SCN1A: variants seen among roughly 807,000 people sequenced by gnomAD.
SCN1A encodes the protein sodium voltage-gated channel alpha subunit 1, also known as sodium channel protein type 1 subunit alpha.
In SCN1A, 13 loss-of-function variants were observed where a neutral mutation model predicts 193.7. The ratio of observed to expected loss-of-function variants is 0.07; its 90% CI spans 0.04 to 0.11. SCN1A has a LOEUF of 0.11. SCN1A is among the 10% of genes least tolerant of loss of function. The probability of loss-of-function intolerance (pLI) is 1.00; values close to 1 mark genes in which losing one functional copy is unlikely to be tolerated. For synonymous variants in SCN1A, 781 were observed against 843.6 expected, an observed-to-expected ratio of 0.93 and a Z score of 1.29; for missense variants, 1,432 against 2,451.1, an observed-to-expected ratio of 0.58 and a Z score of 8.78.
intron 2 of SCN1A, among the ~76,000 whole-genome samples, chr2:166,100,573 G>A (rs1424937962): frequency 6.0e-5 from 9 of 150,696 alleles, no homozygotes; most frequent in Non-Finnish European, 1.3e-4. Flanking sequence ...GAGTGAACAG[G>A]CAACCTACAA....
intron 1 of SCN1A, among the ~76,000 whole-genome samples, chr2:166,138,646 G>A (rs1454336456): frequency 6.6e-6 from 1 of 152,174 alleles, no homozygotes; most frequent in Non-Finnish European, 1.5e-5. Context: ...CTGCAGGGGT[G>A]GGGCCCTCAT....
intron 19 of SCN1A, among the ~76,000 whole-genome samples, chr2:166,030,159 G>A (rs1021177369): frequency 6.6e-6 from 1 of 152,170 alleles, no homozygotes; most frequent in Non-Finnish European, 1.5e-5. Context: ...TTAAGATTTA[G>A]TGTAGCGGTT....
At chr2:166,123,767 A>G (rs557835874) in intron 2 of SCN1A, among the ~76,000 whole-genome samples, 1 of 152,066 alleles carries the variant, frequency 6.6e-6, no homozygotes, top group East Asian at 1.9e-4. Context: ...ATTTGACATA[A>G]CTCTTTGATT....
intron 3 of SCN1A, chr2:166,075,167 TG>T (rs1296384638): frequency 1.3e-5 from 2 of 152,256 alleles, no homozygotes; most frequent in South Asian, 4.1e-4. Flanking sequence ...AATATTCTGA[TG>T]TATATATATA....
chr2:166,021,559 A>C (rs1008191125), intron 19 of SCN1A, among the ~76,000 whole-genome samples: 1 of 152,178 alleles, frequency 6.6e-6, no homozygotes, highest in Non-Finnish European at 1.5e-5. Context: ...AAACATTAAT[A>C]TAAAAGTCAC....
Position 166,015,741 on chromosome 2 carries a change from G to A in SCN1A, c.3430-14C>T. ...TTCATTCAGTTTCTGTAAGTGAGATGGACATAGAAAGTAAAGTCCTTTAAT... is the reference window on the plus strand; with the variant it reads ...TTCATTCAGTTTCTGTAAGTGAGATAGACATAGAAAGTAAAGTCCTTTAAT... On this transcript the variant is annotated splice_polypyrimidine_tract_variant and intron_variant, in intron 19 of 28. Transcript: ENST00000674923. 2 of 1,612,158 alleles carry A rather than the reference G, an allele frequency of 1.2e-6. No individual in the cohort carries two copies. Among genetic ancestry groups the A allele is most frequent in the Non-Finnish European group, 1.7e-6 (2 of 1,178,540 alleles).
chr2:165,994,502 C>G (rs1249752216), intron 27 of SCN1A, 86 bp from the exon 28 acceptor site: 3 of 1,322,486 alleles, frequency 2.3e-6, no homozygotes, highest in Admixed American at 3.7e-5. Context: ...AATTGACTTT[C>G]TAGTTTCTTG....
chr2:166,049,465 T>C (rs146063217), intron 9 of SCN1A, among the ~76,000 whole-genome samples: 4,047 of 152,116 alleles, frequency 0.027, 284 homozygotes, highest in Admixed American at 0.16. Flanking sequence ...TAACATATTC[T>C]CACATTTTGC....
intron 19 of SCN1A, among the ~76,000 whole-genome samples, chr2:166,032,239 A>ATG (rs1559183888): frequency 9.2e-6 from 1 of 108,862 alleles, no homozygotes; most frequent in African/African-American, 3.0e-5. Context: ...ACACACAGAG[A>ATG]CAGAGAGAGA....
intron 2 of SCN1A, among the ~76,000 whole-genome samples, chr2:166,083,477 T>G (rs1161753851): frequency 6.6e-6 from 1 of 151,844 alleles, no homozygotes; most frequent in African/African-American, 2.4e-5. Flanking sequence ...CTACATACAA[T>G]ACATAGAAAT....
At chr2:165,996,436 T>A (rs951539502) in intron 26 of SCN1A, 1 of 265,026 alleles carries the variant, frequency 3.8e-6, no homozygotes, top group Non-Finnish European at 7.3e-6. Flanking sequence ...TAATAAATAC[T>A]TGGTACCTTA....
At chr2:166,112,653 G>A (rs1689421060) in intron 2 of SCN1A, among the ~76,000 whole-genome samples, 1 of 151,870 alleles carries the variant, frequency 6.6e-6, no homozygotes. Flanking sequence ...TCTTATATTT[G>A]GCCTTAGTTC....
intron 2 of SCN1A, among the ~76,000 whole-genome samples, chr2:166,103,056 T>A (rs1688283574): frequency 6.8e-6 from 1 of 146,478 alleles, no homozygotes; most frequent in Non-Finnish European, 1.5e-5. Flanking sequence ...AAGCCTGACT[T>A]TAGATTTGGG....
At chr2:166,083,828 T>C in intron 2 of SCN1A, among the ~76,000 whole-genome samples, 1 of 152,338 alleles carries the variant, frequency 6.6e-6, no homozygotes, top group Middle Eastern at 3.4e-3. Context: ...AAGAATATAG[T>C]AATGACTGTC....
At chr2:166,130,847 A>G (rs1018463710), upstream of SCN1A, among the ~76,000 whole-genome samples, 1 of 152,206 alleles carries the variant, frequency 6.6e-6, no homozygotes, top group Non-Finnish European at 1.5e-5. Flanking sequence ...CAGACTGAGC[A>G]TAAAGGCAAA....
intron 9 of SCN1A, among the ~76,000 whole-genome samples, chr2:166,050,118 A>G (rs1394377321): frequency 2.6e-5 from 4 of 151,984 alleles, no homozygotes; most frequent in African/African-American, 9.7e-5. Context: ...ACTTTCAATT[A>G]AAATTAAACA....
intron 1 of SCN1A, among the ~76,000 whole-genome samples, chr2:166,136,162 G>T (rs1293950118): frequency 6.6e-6 from 1 of 152,140 alleles, no homozygotes; most frequent in Non-Finnish European, 1.5e-5. Context: ...TTGCTATCAT[G>T]ACATCAAAGT....
chr2:166,086,990 C>A (rs1686203443), intron 2 of SCN1A, among the ~76,000 whole-genome samples: 1 of 151,990 alleles, frequency 6.6e-6, no homozygotes, highest in Non-Finnish European at 1.5e-5. Flanking sequence ...TGGTGCTATA[C>A]TTTGGATATG....
chr2:166,144,305 G>C (rs1692214945), intron 1 of SCN1A, among the ~76,000 whole-genome samples: 1 of 152,168 alleles, frequency 6.6e-6, no homozygotes, highest in Non-Finnish European at 1.5e-5. Flanking sequence ...ATTTTCGTTG[G>C]TGAAAACAGA....
Sources: gnomAD v4.1 joint callset for allele counts (sites outside exome capture counted in the v4.1 genomes callset) on GRCh38, gnomAD v4.1.1 for gene constraint, MANE v1.5 for transcripts, NCBI Gene and HGNC (gene_info 2026-07-23, HGNC 2026-07-21) for gene names.